The following COX15 variants were observed in gnomAD, a reference collection of about 807,000 sequenced individuals.
The protein encoded by COX15 is heme A synthase COX15.
A neutral mutation model predicts 51.9 loss-of-function variants in COX15; 51 were observed. The observed-to-expected ratio is 0.98, with a 90% CI of 0.78 to 1.24. The LOEUF is 1.24. Ranked by LOEUF, COX15 falls within the 50% of genes most tolerant of loss-of-function variation. COX15 has a pLI of 0.00. For missense variants in COX15, 420 were observed against 501.1 expected, an observed-to-expected ratio of 0.84 and a Z score of 1.55; for synonymous variants, 188 against 190.5, an observed-to-expected ratio of 0.99 and a Z score of 0.11.
rs2036476363 is a variant in COX15 at position 99,713,804 on chromosome 10, T to C, written c.*783A>G. Reference sequence around the variant, plus strand: ...GGCCAATGTGGTGAAACCCCTTCTCTACTAAAAATACAAAATTAGCCAGGC... The same window carrying C: ...GGCCAATGTGGTGAAACCCCTTCTCCACTAAAAATACAAAATTAGCCAGGC... On this transcript the variant is annotated 3_prime_UTR_variant, in exon 9 of 9. Coordinates refer to ENST00000016171, the MANE Select transcript of COX15 (RefSeq NM_078470.6). The C allele has an allele frequency of 2.6e-6, 1 of 377,454 alleles. No homozygotes were observed. The highest frequency in any genetic ancestry group is 2.1e-5 in the African/African-American group (1 of 47,482). The allele number at this position is 377,454 out of a possible 1,614,324, so 23.4% of individuals were successfully genotyped here.
intron 4 of COX15, among the ~76,000 whole-genome samples, chr10:99,725,568 T>C (rs2036920513): frequency 6.6e-6 from 1 of 152,084 alleles, no homozygotes; most frequent in Non-Finnish European, 1.5e-5. Flanking sequence ...TCTTTATTTA[T>C]TTTTTTTGAG....
chr10:99,699,586 A>T, the COX15 span, among the ~76,000 whole-genome samples: 5 of 152,028 alleles, frequency 3.3e-5, no homozygotes, highest in Non-Finnish European at 2.9e-5. Flanking sequence ...TTTTCTTGAG[A>T]TGGGGTCTCG....
the COX15 span, among the ~76,000 whole-genome samples, chr10:99,703,352 A>G: frequency 6.6e-6 from 1 of 152,216 alleles, no homozygotes; most frequent in Non-Finnish European, 1.5e-5. Context: ...GACAGAAGTG[A>G]GGGAAGTGGG....
chr10:99,698,334 A>G, the COX15 span, among the ~76,000 whole-genome samples: 4 of 152,324 alleles, frequency 2.6e-5, no homozygotes, highest in South Asian at 6.2e-4. Flanking sequence ...AGAATTGATC[A>G]CCATATTCCT....
the COX15 span, chr10:99,696,023 T>G: frequency 5.6e-6 from 9 of 1,614,106 alleles, no homozygotes; most frequent in Non-Finnish European, 7.6e-6. Context: ...ACTGAACACG[T>G]GTACAGGGTT....
In COX15 at chr10:99,724,223, A is replaced by G; in HGVS notation, c.583-100T>C. The G allele has an allele frequency of 6.6e-6, 9 of 1,359,180 alleles. No homozygotes were observed. In the South Asian group the frequency reaches 1.1e-4, roughly 16 times the overall value. The allele number at this position is 1,359,180 out of a possible 1,614,324, so 84.2% of individuals were successfully genotyped here. On this transcript the variant is annotated intron_variant, in intron 4 of 8. Coordinates refer to ENST00000016171, the MANE Select transcript of COX15 (RefSeq NM_078470.6). ...TTTTGAGACAGAGTCTCACTCTGTCACCAGGCTGGAGTGCAGTGGCGGGAT... is the reference window on the plus strand; with the variant it reads ...TTTTGAGACAGAGTCTCACTCTGTCGCCAGGCTGGAGTGCAGTGGCGGGAT...
chr10:99,713,027 T>C lies in COX15; in HGVS notation c.*1560A>G, dbSNP rs1233414326. On this transcript the variant is annotated 3_prime_UTR_variant, in exon 9 of 9. Transcript: ENST00000016171. ...GACTCATCATTCTGATCTCTTCTTC[T>C]GGATACACACTTAGTGGCCATCAAT... 8.7e-7 allele frequency: 1 copy of C among 1,143,792 alleles called. No individual in the cohort carries two copies. Among genetic ancestry groups the C allele is most frequent in the Non-Finnish European group, 1.1e-6 (1 of 924,316 alleles). 70.9% of individuals were successfully genotyped at this position (1,143,792 alleles called of 1,614,324 possible). A position where few individuals can be genotyped will look rare whatever the true frequency, so the allele number is the denominator to read the frequency against.
the COX15 span, among the ~76,000 whole-genome samples, chr10:99,699,504 CTT>C: frequency 2.0e-5 from 3 of 152,324 alleles, no homozygotes; most frequent in Admixed American, 6.5e-5. Context: ...AGGGCCATCT[CTT>C]TGAATTGTTG....
intron 3 of COX15, 136 bp downstream of exon 3, chr10:99,727,305 T>C (rs963119151): frequency 8.8e-6 from 13 of 1,470,326 alleles, no homozygotes; most frequent in Admixed American, 1.8e-5. Flanking sequence ...ACTTTGGATT[T>C]GGGGGCTTAG....
Position 99,714,183 on chromosome 10 carries a change from C to A in COX15, c.*404G>T. The A allele has an allele frequency of 2.8e-6, 3 of 1,064,216 alleles. No individual in the cohort carries two copies. The highest frequency in any genetic ancestry group is 3.4e-6 in the Non-Finnish European group (3 of 876,380). 65.9% of individuals were successfully genotyped at this position (1,064,216 alleles called of 1,614,324 possible). Reference sequence around the variant, plus strand: ...TCAATCCTATCCTTTCAATCTTCACCTAATGGAAGTGAAGTTAAGATCATA... The same window carrying A: ...TCAATCCTATCCTTTCAATCTTCACATAATGGAAGTGAAGTTAAGATCATA... On this transcript the variant is annotated 3_prime_UTR_variant, in exon 9 of 9. Transcript: ENST00000016171.
At chr10:99,698,430 A>G in the COX15 span, 1 of 1,140,566 alleles carries the variant, frequency 8.8e-7, no homozygotes, top group African/African-American at 1.6e-5. Flanking sequence ...AGATATCATG[A>G]AAACCAGTAG....
downstream of COX15, chr10:99,709,858 TAA>T: frequency 1.0e-6 from 1 of 985,412 alleles, no homozygotes; most frequent in Non-Finnish European, 1.2e-6. Flanking sequence ...GAGGAAGGAA[TAA>T]CACACCAGTT....
chr10:99,724,843 G>A (rs532400281), intron 4 of COX15, among the ~76,000 whole-genome samples: 48 of 152,202 alleles, frequency 3.2e-4, no homozygotes, highest in Admixed American at 6.5e-4. Context: ...AGTTAGGTTG[G>A]AATAAGACAA....
intron 8 of COX15, 80 bp downstream of exon 8, chr10:99,716,268 C>T: frequency 2.0e-6 from 2 of 999,878 alleles, no homozygotes; most frequent in Non-Finnish European, 1.6e-6. Flanking sequence ...GCTGGGATTA[C>T]AGCCATGAGC....
In COX15 at chr10:99,732,088, G is replaced by C. The variant is rs751710852; in HGVS notation, c.-39C>G. The C allele has an allele frequency of 6.3e-7, 1 of 1,598,094 alleles. No homozygotes were observed. Among genetic ancestry groups the C allele is most frequent in the African/African-American group, 1.3e-5 (1 of 74,644 alleles). ...AACAGCCACCTCTTCCACAACCCAG[G>C]GCTCTGTGGTCTCCCTCCTCCGCCA... On this transcript the variant is annotated 5_prime_UTR_variant, in exon 1 of 9. Transcript: ENST00000016171.
chr10:99,697,105 G>A, the COX15 span, among the ~76,000 whole-genome samples: 5 of 152,050 alleles, frequency 3.3e-5, no homozygotes, highest in East Asian at 1.9e-4. Context: ...TTATATTTAC[G>A]GCATGTTGAA....
At chr10:99,698,950 ATACAGAATC>A in the COX15 span, 3 of 1,190,254 alleles carry the variant, frequency 2.5e-6, no homozygotes, top group Non-Finnish European at 3.5e-6. Flanking sequence ...AGGGCTTTGC[ATACAGAATC>A]TCACTTGTTC....
At position 99,711,831 on chromosome 10, in the gene COX15, GA is replaced by G. The variant is rs145731044; in HGVS notation, c.*2755del. On this transcript the variant is annotated 3_prime_UTR_variant, in exon 9 of 9. Transcript: ENST00000016171. Reference sequence around the variant, plus strand: ...GTTAGTCGGCTTGCATTGCTATAAGGAAATACTGACAATTTTTAGAAAGAAA... The same window carrying G: ...GTTAGTCGGCTTGCATTGCTATAAGGAATACTGACAATTTTTAGAAAGAAA... 8.7e-4 allele frequency: 858 copies of G among 984,910 alleles called. 4 individuals are homozygous for G. The African/African-American group carries it at 0.012, about 14-fold the overall frequency. 61.0% of individuals were successfully genotyped at this position (984,910 alleles called of 1,614,324 possible). A position where few individuals can be genotyped will look rare whatever the true frequency, so the allele number is the denominator to read the frequency against.
At chr10:99,720,840 C>A (rs1210987599) in intron 6 of COX15, 147 bp downstream of exon 6, 10 of 590,380 alleles carry the variant, frequency 1.7e-5, no homozygotes, top group Non-Finnish European at 2.6e-5. Flanking sequence ...GAGAAAGGAA[C>A]AGGAAACAGG....
Sources: gnomAD v4.1 joint callset for allele counts (sites outside exome capture counted in the v4.1 genomes callset) on GRCh38, gnomAD v4.1.1 for gene constraint, MANE v1.5 for transcripts, NCBI Gene and HGNC (gene_info 2026-07-23, HGNC 2026-07-21) for gene names.